SORCS1: variants seen among roughly 807,000 people sequenced by gnomAD.
The protein encoded by SORCS1 is sortilin related VPS10 domain containing receptor 1, also known as VPS10 domain-containing receptor SorCS1.
A neutral mutation model predicts 146.1 loss-of-function variants in SORCS1; 60 were observed. That is an observed-to-expected ratio of 0.41 (90% confidence interval 0.33 to 0.51). The LOEUF (loss-of-function observed/expected upper bound fraction) is 0.51. Ranked by LOEUF, SORCS1 falls within the 20% of genes least tolerant of loss-of-function variation. The pLI is 0.21. For synonymous variants in SORCS1, 637 were observed against 584.0 expected, an observed-to-expected ratio of 1.09 and a Z score of -1.31; for missense variants, 1,352 against 1,487.6, an observed-to-expected ratio of 0.91 and a Z score of 1.50.
At chr10:106,767,571 C>G (rs545859027) in intron 4 of SORCS1, among the ~76,000 whole-genome samples, 10 of 152,270 alleles carry the variant, frequency 6.6e-5, no homozygotes, top group Non-Finnish European at 1.5e-4. Context: ...TCACTGCAAC[C>G]TCTGCCTCCA....
chr10:106,862,718 G>A (rs529142485), intron 2 of SORCS1, among the ~76,000 whole-genome samples: 169 of 142,712 alleles, frequency 1.2e-3, no homozygotes, highest in South Asian at 5.9e-3. Context: ...GGCCGAGACA[G>A]GCGGATCATG....
chr10:106,836,300 C>T (rs1365041031), intron 2 of SORCS1, among the ~76,000 whole-genome samples: 1 of 151,836 alleles, frequency 6.6e-6, no homozygotes, highest in East Asian at 2.0e-4. Flanking sequence ...CGGTGAAACC[C>T]CGTCTCTACT....
intron 1 of SORCS1, among the ~76,000 whole-genome samples, chr10:106,961,049 G>T (rs1399209663): frequency 6.6e-6 from 1 of 152,104 alleles, no homozygotes; most frequent in Non-Finnish European, 1.5e-5. Context: ...CTCCCTTCTA[G>T]CCCCAACCTC....
intron 1 of SORCS1, among the ~76,000 whole-genome samples, chr10:106,966,385 G>C (rs1350448688): frequency 6.6e-6 from 1 of 152,056 alleles, no homozygotes; most frequent in East Asian, 1.9e-4. Context: ...ACTAATTTGG[G>C]GTACAAGAAA....
At chr10:107,038,787 AT>A in intron 1 of SORCS1, among the ~76,000 whole-genome samples, 1 of 152,264 alleles carries the variant, frequency 6.6e-6, no homozygotes, top group East Asian at 1.9e-4. Context: ...CTGCTCATAG[AT>A]TAGCAACAAT....
At chr10:106,650,258 A>T (rs1330817531) in intron 18 of SORCS1, among the ~76,000 whole-genome samples, 1 of 152,190 alleles carries the variant, frequency 6.6e-6, no homozygotes, top group African/African-American at 2.4e-5. Flanking sequence ...TCAGAGACTG[A>T]AGTGATTTCA....
In SORCS1 at chr10:106,752,860, A is replaced by C. The variant is rs113031696; in HGVS notation, c.959+8728T>G. The stretch of plus-strand genomic sequence containing the variant: ...CCACATATTTAAGAAGAGGTAAGAC[A>C]GCAGAGATAAATATGACCCAAGAGT... On this transcript the variant is annotated intron_variant, in intron 5 of 25. Coordinates refer to ENST00000263054, the MANE Select transcript of SORCS1 (RefSeq NM_052918.5). Among the ~76,000 whole-genome samples the C allele has an allele frequency of 9.2e-3, 1,398 of 152,310 alleles. 22 individuals are homozygous for C. Among genetic ancestry groups the C allele is most frequent in the African/African-American group, 0.032 (1,329 of 41,568 alleles).
At chr10:106,768,341 T>A (rs932077346) in intron 4 of SORCS1, among the ~76,000 whole-genome samples, 1 of 152,214 alleles carries the variant, frequency 6.6e-6, no homozygotes, top group Non-Finnish European at 1.5e-5. Flanking sequence ...ACTGAGTGCC[T>A]TTTAACTTAA....
At chr10:106,764,264 A>T (rs1859372156) in intron 4 of SORCS1, among the ~76,000 whole-genome samples, 1 of 152,216 alleles carries the variant, frequency 6.6e-6, no homozygotes. Flanking sequence ...CTCCCTAAAA[A>T]ATTAATTGTC....
At chr10:107,149,054 G>A (rs147913122) in intron 1 of SORCS1, among the ~76,000 whole-genome samples, 15 of 152,288 alleles carry the variant, frequency 9.8e-5, no homozygotes, top group Non-Finnish European at 2.2e-4. Flanking sequence ...TGAGACTTAC[G>A]TGCAAGGAAA....
intron 18 of SORCS1, among the ~76,000 whole-genome samples, chr10:106,632,382 G>A (rs1848489084): frequency 6.6e-6 from 1 of 152,214 alleles, no homozygotes; most frequent in African/African-American, 2.4e-5. Context: ...TACGGCCACT[G>A]TAACAGCTTC....
intron 1 of SORCS1, among the ~76,000 whole-genome samples, chr10:106,965,235 A>G (rs1052271066): frequency 6.6e-6 from 1 of 152,038 alleles, no homozygotes; most frequent in Non-Finnish European, 1.5e-5. Context: ...TGGTGTATAC[A>G]TGGGTTTTTG....
intron 10 of SORCS1, among the ~76,000 whole-genome samples, chr10:106,686,289 A>C (rs962687026): frequency 8.5e-5 from 13 of 152,266 alleles, no homozygotes; most frequent in African/African-American, 3.1e-4. Context: ...GAAGTACAAC[A>C]ATAAGAGTTT....
At chr10:106,987,138 T>G (rs2139420258) in intron 1 of SORCS1, among the ~76,000 whole-genome samples, 1 of 152,368 alleles carries the variant, frequency 6.6e-6, no homozygotes, top group South Asian at 2.1e-4. Flanking sequence ...GCTGATAACC[T>G]GGAACATGCA....
chr10:106,754,220 A>G (rs551071617), intron 5 of SORCS1, among the ~76,000 whole-genome samples: 68 of 152,342 alleles, frequency 4.5e-4, no homozygotes, highest in African/African-American at 1.6e-3. Context: ...TTTCTGGAAC[A>G]AGCAAGAAGT....
intron 17 of SORCS1, among the ~76,000 whole-genome samples, chr10:106,660,260 C>A (rs1850625152): frequency 6.6e-6 from 1 of 152,090 alleles, no homozygotes. Flanking sequence ...AGGAAGTTTT[C>A]AAGTTTTTAT....
chr10:107,171,016 G>T, the SORCS1 span, among the ~76,000 whole-genome samples: 1 of 152,082 alleles, frequency 6.6e-6, no homozygotes, highest in African/African-American at 2.4e-5. Context: ...CAAAATGTAG[G>T]TTATATCACC....
At chr10:106,883,923 CT>C (rs912870666) in intron 2 of SORCS1, among the ~76,000 whole-genome samples, 22 of 152,310 alleles carry the variant, frequency 1.4e-4, no homozygotes, top group Middle Eastern at 3.4e-3. Context: ...CCGGTACAGT[CT>C]TGCTCAAAAT....
intron 4 of SORCS1, among the ~76,000 whole-genome samples, 172 bp downstream of exon 4, chr10:106,776,362 T>C (rs531429451): frequency 6.6e-6 from 1 of 152,340 alleles, no homozygotes; most frequent in Non-Finnish European, 1.5e-5. Context: ...TTACATGATT[T>C]AAACAAGCAA....
Sources: gnomAD v4.1 joint callset for allele counts (sites outside exome capture counted in the v4.1 genomes callset) on GRCh38, gnomAD v4.1.1 for gene constraint, MANE v1.5 for transcripts, NCBI Gene and HGNC (gene_info 2026-07-23, HGNC 2026-07-21) for gene names.